OSBPL8: variants seen among roughly 807,000 people sequenced by gnomAD.
OSBPL8 encodes the protein oxysterol-binding protein-related protein 8.
Under a neutral mutation model 125.5 loss-of-function variants are expected in OSBPL8, and 59 were observed. The observed-to-expected ratio is 0.47, with a 90% CI of 0.38 to 0.58. The LOEUF is 0.58. Among genes scored for constraint, OSBPL8 ranks in the 20% least tolerant of loss-of-function variants. The pLI, the probability that OSBPL8 is intolerant of heterozygous loss-of-function variation, is 0.00. For missense variants in OSBPL8, 758 were observed against 1,047.8 expected, an observed-to-expected ratio of 0.72 and a Z score of 3.82; for synonymous variants, 330 against 338.9, an observed-to-expected ratio of 0.97 and a Z score of 0.29.
chr12:76,532,100 A>C (rs1259920150), intron 1 of OSBPL8, among the ~76,000 whole-genome samples: 1 of 151,626 alleles, frequency 6.6e-6, no homozygotes, highest in Non-Finnish European at 1.5e-5. Flanking sequence ...TGTTCCTTAA[A>C]ATTTTTCTTT....
intron 2 of OSBPL8, among the ~76,000 whole-genome samples, chr12:76,460,867 T>C (rs1874636763): frequency 6.6e-6 from 1 of 152,208 alleles, no homozygotes; most frequent in Admixed American, 6.5e-5. Flanking sequence ...TTGTTGGTCT[T>C]AAAGAGACCT....
chr12:76,400,313 A>G (rs1394211433), intron 6 of OSBPL8, among the ~76,000 whole-genome samples: 2 of 152,196 alleles, frequency 1.3e-5, no homozygotes, highest in South Asian at 2.1e-4. Context: ...AGCTCCATCC[A>G]TATCTTTGTA....
chr12:76,366,969 C>A (rs1326726234), intron 21 of OSBPL8, among the ~76,000 whole-genome samples: 1 of 152,116 alleles, frequency 6.6e-6, no homozygotes. Context: ...AACATATGGT[C>A]TATCCTGGAG....
chr12:76,443,974 A>C (rs891831563), intron 4 of OSBPL8, among the ~76,000 whole-genome samples: 6 of 152,276 alleles, frequency 3.9e-5, no homozygotes, highest in African/African-American at 1.2e-4. Context: ...AAAATACATA[A>C]TTTCTTGAAT....
chr12:76,496,152 T>G (rs1879242890), intron 1 of OSBPL8, among the ~76,000 whole-genome samples: 1 of 149,378 alleles, frequency 6.7e-6, no homozygotes, highest in South Asian at 2.1e-4. Flanking sequence ...AGTCTCTTCT[T>G]GTTTCATGTC....
chr12:76,420,457 C>G (rs1869326051), intron 4 of OSBPL8, among the ~76,000 whole-genome samples: 1 of 152,008 alleles, frequency 6.6e-6, no homozygotes, highest in Admixed American at 6.6e-5. Flanking sequence ...CACATTGCAT[C>G]ATGACATCAC....
chr12:76,517,801 C>A (rs1361365095), intron 1 of OSBPL8, among the ~76,000 whole-genome samples: 1 of 152,004 alleles, frequency 6.6e-6, no homozygotes, highest in Non-Finnish European at 1.5e-5. Flanking sequence ...AGAGTAGGAG[C>A]AAGAGAGAGA....
At chr12:76,419,117 T>A (rs1329731837) in intron 4 of OSBPL8, among the ~76,000 whole-genome samples, 2 of 151,940 alleles carry the variant, frequency 1.3e-5, no homozygotes, top group African/African-American at 2.4e-5. Context: ...ATGCCTGTAG[T>A]CTCAGCTAGT....
chr12:76,438,003 T>C (rs1049186432), intron 4 of OSBPL8, among the ~76,000 whole-genome samples: 5 of 152,180 alleles, frequency 3.3e-5, no homozygotes, highest in African/African-American at 1.2e-4. Context: ...TTTATTTTTT[T>C]TGAGACGGAG....
At chr12:76,408,364 A>C (rs1954363137) in intron 5 of OSBPL8, among the ~76,000 whole-genome samples, 1 of 148,390 alleles carries the variant, frequency 6.7e-6, no homozygotes, top group Admixed American at 6.8e-5. Context: ...CGGGAGGCTG[A>C]GGCAGAAGAA....
intron 1 of OSBPL8, among the ~76,000 whole-genome samples, chr12:76,556,953 C>T (rs1951122009): frequency 6.6e-6 from 1 of 152,058 alleles, no homozygotes; most frequent in Non-Finnish European, 1.5e-5. Context: ...CGTGAGCCAC[C>T]GGGCCTGGCC....
chr12:76,488,216 A>C (rs748158087), intron 1 of OSBPL8, among the ~76,000 whole-genome samples: 6 of 152,222 alleles, frequency 3.9e-5, no homozygotes, highest in East Asian at 1.9e-4. Flanking sequence ...ACAGACATAC[A>C]ATAGAATATC....
At chr12:76,407,945 G>A (rs1227055277) in intron 5 of OSBPL8, among the ~76,000 whole-genome samples, 1 of 151,778 alleles carries the variant, frequency 6.6e-6, no homozygotes, top group Non-Finnish European at 1.5e-5. Flanking sequence ...CATAAAATGG[G>A]GCCAATAATA....
intron 2 of OSBPL8, among the ~76,000 whole-genome samples, chr12:76,485,096 T>C (rs1258133395): frequency 6.6e-6 from 1 of 151,832 alleles, no homozygotes; most frequent in Non-Finnish European, 1.5e-5. Flanking sequence ...AATTTTTTTG[T>C]ATTTTTAGTA....
intron 1 of OSBPL8, among the ~76,000 whole-genome samples, chr12:76,523,702 C>A (rs1294449554): frequency 1.3e-5 from 2 of 152,100 alleles, no homozygotes; most frequent in Non-Finnish European, 2.9e-5. Flanking sequence ...GGAAGACAGC[C>A]CTCACTGGAA....
At chr12:76,386,438 C>A in intron 13 of OSBPL8, 141 bp downstream of exon 13, 1 of 1,277,150 alleles carries the variant, frequency 7.8e-7, no homozygotes, top group Non-Finnish European at 1.1e-6. Context: ...TAATACATGT[C>A]TAAATGATCA....
At chr12:76,443,996 C>T (rs1173909209) in intron 4 of OSBPL8, among the ~76,000 whole-genome samples, 1 of 152,008 alleles carries the variant, frequency 6.6e-6, no homozygotes, top group Admixed American at 6.6e-5. Flanking sequence ...ATCTAATTCA[C>T]CAAAATCTAA....
chr12:76,454,062 T>A (rs1873729070), intron 3 of OSBPL8, among the ~76,000 whole-genome samples: 1 of 152,210 alleles, frequency 6.6e-6, no homozygotes, highest in African/African-American at 2.4e-5. Flanking sequence ...GAGGATGGGA[T>A]CATCGAGATG....
At chr12:76,555,097 G>A (rs1459752248) in intron 1 of OSBPL8, among the ~76,000 whole-genome samples, 1 of 152,152 alleles carries the variant, frequency 6.6e-6, no homozygotes, top group African/African-American at 2.4e-5. Flanking sequence ...ACAGATGGTA[G>A]AGATCTTCAT....
Sources: allele counts gnomAD v4.1 joint callset (sites outside exome capture counted in the v4.1 genomes callset), GRCh38; gene constraint gnomAD v4.1.1; transcripts MANE v1.5; gene names NCBI Gene and HGNC (gene_info 2026-07-23, HGNC 2026-07-21).